The following HIVEP3 variants were observed in gnomAD, a reference collection of about 807,000 sequenced individuals.
The protein encoded by HIVEP3 is transcription factor HIVEP3.
A neutral mutation model predicts 152.8 loss-of-function variants in HIVEP3; 49 were observed. The ratio of observed to expected loss-of-function variants is 0.32; its 90% CI spans 0.26 to 0.41. HIVEP3 has a LOEUF of 0.41. Ranked by LOEUF, HIVEP3 falls within the 10% of genes least tolerant of loss-of-function variation. HIVEP3 has a pLI of 1.00. For missense variants in HIVEP3, 2,790 were observed against 3,103.3 expected (o/e 0.90, Z 2.40); for synonymous variants, 1,269 against 1,289.0 (o/e 0.98, Z 0.33).
chr1:41,985,003 C>T lies in HIVEP3; in HGVS notation n.119+50804G>A, dbSNP rs528484160. Among the ~76,000 whole-genome samples the T allele has an allele frequency of 5.3e-5, 8 of 151,008 alleles. No homozygotes were observed. The East Asian group carries it at 1.2e-3, about 22-fold the overall frequency. ...AAAAAAAAAAAGGACCTGCTTTAGA[C>T]AGAATGGCAGCGAAGGCCCTTCCCA... On this transcript the variant is annotated intron_variant and non_coding_transcript_variant, in intron 1 of 3. Coordinates refer to the HIVEP3 transcript ENST00000489103.
chr1:41,556,398 T>C (rs1247446700), intron 5 of HIVEP3, among the ~76,000 whole-genome samples: 1 of 152,228 alleles, frequency 6.6e-6, no homozygotes. Flanking sequence ...TGTCTTTTCA[T>C]GTGATGATTG....
intron 5 of HIVEP3, among the ~76,000 whole-genome samples, chr1:41,539,127 A>G (rs1000055294): frequency 1.3e-5 from 2 of 152,216 alleles, no homozygotes; most frequent in Non-Finnish European, 2.9e-5. Context: ...AAAACCTCTG[A>G]TGCAGAGAAG....
intron 3 of HIVEP3, among the ~76,000 whole-genome samples, chr1:41,607,119 G>T (rs1644832538): frequency 6.6e-6 from 1 of 152,076 alleles, no homozygotes; most frequent in South Asian, 2.1e-4. Flanking sequence ...CACCAAGCCT[G>T]GCCGTGTGTA....
chr1:41,669,476 G>A (rs944438598), intron 2 of HIVEP3, among the ~76,000 whole-genome samples: 10 of 152,172 alleles, frequency 6.6e-5, no homozygotes, highest in African/African-American at 2.4e-4. Flanking sequence ...TGGGTGAGAT[G>A]AACATTTGGA....
chr1:41,641,207 G>A (rs970352535), intron 2 of HIVEP3, among the ~76,000 whole-genome samples: 4 of 152,216 alleles, frequency 2.6e-5, no homozygotes, highest in African/African-American at 4.8e-5. Context: ...GGGAGATCCC[G>A]GGGACTACAG....
intron 2 of HIVEP3, among the ~76,000 whole-genome samples, chr1:41,673,992 A>T (rs1390935008): frequency 6.6e-6 from 1 of 152,202 alleles, no homozygotes; most frequent in Admixed American, 6.5e-5. Context: ...AGCTTTGATG[A>T]TGCACAGCTG....
chr1:41,736,722 G>A (rs910494674), intron 1 of HIVEP3, among the ~76,000 whole-genome samples: 1 of 152,194 alleles, frequency 6.6e-6, no homozygotes, highest in Non-Finnish European at 1.5e-5. Flanking sequence ...GATGCCTGGG[G>A]ATTAAGGCAC....
chr1:41,955,535 A>G (rs1645135927), intron 1 of HIVEP3, among the ~76,000 whole-genome samples: 1 of 152,172 alleles, frequency 6.6e-6, no homozygotes. Context: ...CACAACAATG[A>G]CCTCACCGTA....
intron 7 of HIVEP3, among the ~76,000 whole-genome samples, chr1:41,514,599 T>A (rs1642548350): frequency 1.3e-5 from 2 of 152,340 alleles, no homozygotes; most frequent in South Asian, 4.1e-4. Context: ...ACTGCCCTTT[T>A]GAAGTCCAGG....
chr1:41,710,733 T>C (rs1646500803), intron 1 of HIVEP3, among the ~76,000 whole-genome samples: 1 of 152,236 alleles, frequency 6.6e-6, no homozygotes, highest in Non-Finnish European at 1.5e-5. Flanking sequence ...TCCTGGGCAC[T>C]GGTGCTGTGT....
At chr1:41,875,576 C>A (rs867826486) in intron 1 of HIVEP3, among the ~76,000 whole-genome samples, 1 of 152,242 alleles carries the variant, frequency 6.6e-6, no homozygotes, top group Non-Finnish European at 1.5e-5. Context: ...CTTTTGAGAG[C>A]TGCTCTAGAC....
At chr1:41,531,490 G>T (rs1643252175) in intron 5 of HIVEP3, among the ~76,000 whole-genome samples, 1 of 124,966 alleles carries the variant, frequency 8.0e-6, no homozygotes, top group African/African-American at 3.1e-5. Flanking sequence ...ATGGAGGACA[G>T]GAGAGATGGA....
At chr1:42,005,679 T>G (rs1202288642) in intron 1 of HIVEP3, among the ~76,000 whole-genome samples, 1 of 152,158 alleles carries the variant, frequency 6.6e-6, no homozygotes, top group African/African-American at 2.4e-5. Flanking sequence ...CAGGAAAGAG[T>G]AAGTTGCTGG....
chr1:41,617,563 C>T (rs1205403992), intron 3 of HIVEP3, among the ~76,000 whole-genome samples: 3 of 152,226 alleles, frequency 2.0e-5, no homozygotes, highest in Non-Finnish European at 2.9e-5. Flanking sequence ...TCTTAAAGTG[C>T]GGCACCGCCT....
At position 41,583,968 on chromosome 1, in the gene HIVEP3, G is replaced by A. The variant is rs1644463229; in HGVS notation, c.830C>T (p.Thr277Ile). 6.2e-7 allele frequency: 1 copy of A among 1,614,188 alleles called. No homozygotes were observed. Among genetic ancestry groups the A allele is most frequent in the East Asian group, 2.2e-5 (1 of 44,888 alleles). The change falls in exon 4 of 9, where the codon ACT becomes ATT. Residue 277 changes from threonine to isoleucine, a missense_variant. Thr to Ile is a moderately conservative substitution (Grantham distance 89, BLOSUM62 -1). This residue lies in a region of HIVEP3 where 125 missense variants were observed against 130.1 expected (regional missense o/e 0.96). Coordinates refer to ENST00000372583, the MANE Select transcript of HIVEP3 (RefSeq NM_024503.5). The surrounding 1 kb of genome is among the most constrained non-coding windows in gnomAD (Gnocchi z 6.9). ...TTCAGAATCTGTGCTTTCTCCCTCAGTGGGCTCCTCAAACTCTTCCCCAGG... is the reference window on the plus strand; with the variant it reads ...TTCAGAATCTGTGCTTTCTCCCTCAATGGGCTCCTCAAACTCTTCCCCAGG... The part of the protein sequence containing the change: ...RIPGEEFEEP[T>I]EGESTDSEEE...
At chr1:41,561,181 A>G (rs1418081721) in intron 5 of HIVEP3, among the ~76,000 whole-genome samples, 1 of 152,224 alleles carries the variant, frequency 6.6e-6, no homozygotes, top group Non-Finnish European at 1.5e-5. Context: ...CATGGCAATC[A>G]TTCATTTCAT....
Position 41,519,702 on chromosome 1 carries a change from T to C in HIVEP3, c.5384-1214A>G, listed in dbSNP as rs112758515. On this transcript the variant is annotated intron_variant, in intron 6 of 8. Transcript: ENST00000372583. ...CTCCTGGAGTGGATGAATAGAGCGA[T>C]TGGTGCGTGGATAGATAAAGTGGAT... Among the ~76,000 whole-genome samples, 21 of 152,160 alleles carry C rather than the reference T, an allele frequency of 1.4e-4. 1 individual carries two copies. Among genetic ancestry groups the C allele is most frequent in the African/African-American group, 5.1e-4 (21 of 41,508 alleles).
At chr1:41,942,558 T>G (rs1338456346) in intron 1 of HIVEP3, among the ~76,000 whole-genome samples, 1 of 152,230 alleles carries the variant, frequency 6.6e-6, no homozygotes, top group Non-Finnish European at 1.5e-5. Context: ...TTTTGCAATG[T>G]ATGGCCAAAT....
intron 1 of HIVEP3, among the ~76,000 whole-genome samples, chr1:41,916,021 G>C (rs1490816590): frequency 6.6e-6 from 1 of 152,200 alleles, no homozygotes; most frequent in East Asian, 1.9e-4. Context: ...ACAGAGTAGG[G>C]AGTGAGAGAC....
Sources: allele counts gnomAD v4.1 joint callset (sites outside exome capture counted in the v4.1 genomes callset), GRCh38; gene constraint gnomAD v4.1.1; regional missense constraint gnomAD v4.1.1; non-coding constraint Gnocchi (gnomAD v3.1); transcripts MANE v1.5; gene names NCBI Gene and HGNC (gene_info 2026-07-23, HGNC 2026-07-21).